Variants in FAT3 observed in about 807,000 individuals in gnomAD.
FAT3 encodes the protein protocadherin Fat 3.
In FAT3, 95 loss-of-function variants were observed where a neutral mutation model predicts 310.2. The observed-to-expected ratio is 0.31, with a 90% CI of 0.26 to 0.36. The LOEUF (loss-of-function observed/expected upper bound fraction) is 0.36. Ranked by LOEUF, FAT3 falls within the 10% of genes least tolerant of loss-of-function variation. The pLI, the probability that FAT3 is intolerant of heterozygous loss-of-function variation, is 1.00. For synonymous variants in FAT3, 2,314 were observed against 2,192.9 expected (o/e 1.06, Z -1.54); for missense variants, 5,408 against 5,715.6 (o/e 0.95, Z 1.74).
At chr11:92,562,585 G>A (rs951966697) in intron 3 of FAT3, among the ~76,000 whole-genome samples, 1 of 152,166 alleles carries the variant, frequency 6.6e-6, no homozygotes, top group South Asian at 2.1e-4. Context: ...TGGAGGATAA[G>A]AAGTCCCATG....
At chr11:92,274,690 T>C (rs1266393032) in intron 1 of FAT3, among the ~76,000 whole-genome samples, 3 of 152,154 alleles carry the variant, frequency 2.0e-5, no homozygotes, top group Non-Finnish European at 4.4e-5. Flanking sequence ...TTCTGTGTTT[T>C]CTTTACTAGT....
chr11:92,551,345 C>T (rs1380886834), intron 3 of FAT3, among the ~76,000 whole-genome samples: 3 of 151,394 alleles, frequency 2.0e-5, no homozygotes, highest in Non-Finnish European at 4.4e-5. Context: ...TATGGGGCCT[C>T]ATTCTCCTCT....
At chr11:92,639,269 C>G (rs1291922787) in intron 3 of FAT3, among the ~76,000 whole-genome samples, 2 of 152,124 alleles carry the variant, frequency 1.3e-5, no homozygotes, top group African/African-American at 4.8e-5. Flanking sequence ...GAGCAAACGT[C>G]CCCAGAAACT....
chr11:92,596,263 C>T (rs1236310724), intron 3 of FAT3, among the ~76,000 whole-genome samples: 3 of 152,142 alleles, frequency 2.0e-5, no homozygotes, highest in Admixed American at 2.0e-4. Context: ...CTGAAGAACC[C>T]TGACATCAGC....
chr11:92,312,269 A>ATAGTCACAGAATG (rs1309981626), intron 1 of FAT3, among the ~76,000 whole-genome samples: 2 of 152,170 alleles, frequency 1.3e-5, no homozygotes, highest in African/African-American at 2.4e-5. Flanking sequence ...TTGTTTAGTA[A>ATAGTCACAGAATG]TAGTCACAGA....
At chr11:92,497,127 A>G (rs937195688) in intron 2 of FAT3, among the ~76,000 whole-genome samples, 1 of 151,998 alleles carries the variant, frequency 6.6e-6, no homozygotes, top group African/African-American at 2.4e-5. Context: ...CTCTAGTACT[A>G]GTTTCCATAG....
intron 2 of FAT3, among the ~76,000 whole-genome samples, chr11:92,390,814 A>G (rs1251405165): frequency 1.3e-5 from 2 of 152,118 alleles, no homozygotes; most frequent in African/African-American, 2.4e-5. Flanking sequence ...GGAGCCTGAG[A>G]GGTCTGGGAG....
intron 3 of FAT3, among the ~76,000 whole-genome samples, chr11:92,675,478 G>A (rs1247297304): frequency 6.6e-6 from 1 of 152,188 alleles, no homozygotes; most frequent in Non-Finnish European, 1.5e-5. Context: ...TGTTATAGCT[G>A]AATTAACTGG....
At chr11:92,697,255 G>A (rs930647999) in intron 3 of FAT3, 129 bp from the exon 4 acceptor site, 2 of 665,270 alleles carry the variant, frequency 3.0e-6, no homozygotes, top group African/African-American at 1.8e-5. Context: ...CATTCTGATT[G>A]TCATGGGGGA....
chr11:92,355,932 A>G (rs116268527), intron 2 of FAT3, among the ~76,000 whole-genome samples: 33 of 152,286 alleles, frequency 2.2e-4, no homozygotes, highest in African/African-American at 7.7e-4. Flanking sequence ...CTGTAGCTCC[A>G]TTAATATAAG....
At chr11:92,448,819 C>T (rs897246288) in intron 2 of FAT3, among the ~76,000 whole-genome samples, 2 of 152,106 alleles carry the variant, frequency 1.3e-5, no homozygotes, top group African/African-American at 4.8e-5. Context: ...TCACTAAGCC[C>T]CATTTAGAGC....
chr11:92,690,443 C>A (rs1943767464), intron 3 of FAT3, among the ~76,000 whole-genome samples: 1 of 152,164 alleles, frequency 6.6e-6, no homozygotes, highest in Non-Finnish European at 1.5e-5. Context: ...GCACCATGTG[C>A]TCAATTGAGC....
chr11:92,356,274 A>G (rs1948728928), intron 2 of FAT3, among the ~76,000 whole-genome samples: 1 of 152,106 alleles, frequency 6.6e-6, no homozygotes, highest in South Asian at 2.1e-4. Flanking sequence ...TTTAGATTGT[A>G]GACATCTCAA....
intron 4 of FAT3, among the ~76,000 whole-genome samples, chr11:92,759,716 C>T (rs990307001): frequency 3.9e-5 from 6 of 152,140 alleles, no homozygotes; most frequent in African/African-American, 1.4e-4. Context: ...TGTAGGTAGA[C>T]ACCTCAAGGA....
At chr11:92,779,663 A>C (rs1946688291) in intron 7 of FAT3, among the ~76,000 whole-genome samples, 1 of 152,210 alleles carries the variant, frequency 6.6e-6, no homozygotes, top group Admixed American at 6.5e-5. Flanking sequence ...GAAGATGTTC[A>C]TGTTCTAATC....
Position 92,809,863 on chromosome 11 carries a change from C to A in FAT3, c.9268C>A (p.Leu3090Met), listed in dbSNP as rs781127055. 6.2e-7 allele frequency: 1 copy of A among 1,613,740 alleles called. No individual in the cohort carries two copies. The highest frequency in any genetic ancestry group is 8.5e-7 in the Non-Finnish European group (1 of 1,179,696). ...PESGELKTLA[L>M]LDRERIPVYS... is the part of the protein sequence containing the mutation. ...CACAGGCGAGTTAAAAACCTTGGCTCTGTTGGACCGGGAGAGGATCCCCGT... is the reference window on the plus strand; with the variant it reads ...CACAGGCGAGTTAAAAACCTTGGCTATGTTGGACCGGGAGAGGATCCCCGT... Residue 3090 changes from leucine (L) to methionine (M), a missense_variant, in exon 13 of 28, where the codon CTG (leucine) becomes ATG (methionine). Physicochemically the swap from Leu to Met is conservative, Grantham distance 15. Around this residue, in one of 5 missense-constraint regions of FAT3, gnomAD observed 4,588 missense variants for 4,809.8 expected, o/e 0.95. Transcript: ENST00000525166.
At chr11:92,710,939 A>G (rs1034594468) in intron 4 of FAT3, among the ~76,000 whole-genome samples, 12 of 152,218 alleles carry the variant, frequency 7.9e-5, no homozygotes, top group Non-Finnish European at 1.5e-4. Context: ...CATAGTGCCT[A>G]TGGTAGGATT....
chr11:92,759,855 C>T (rs1946099393), intron 4 of FAT3, among the ~76,000 whole-genome samples: 2 of 152,114 alleles, frequency 1.3e-5, no homozygotes, highest in Non-Finnish European at 2.9e-5. Context: ...GAAGCAGCTC[C>T]AGAACACTGT....
chr11:92,804,219 C>CTG (rs1269922355), intron 10 of FAT3, among the ~76,000 whole-genome samples: 4 of 152,066 alleles, frequency 2.6e-5, no homozygotes, highest in Non-Finnish European at 4.4e-5. Context: ...AGAACAATGC[C>CTG]TGGCCCAGGG....
Sources: allele counts gnomAD v4.1 joint callset (sites outside exome capture counted in the v4.1 genomes callset), GRCh38; gene constraint gnomAD v4.1.1; regional missense constraint gnomAD v4.1.1; transcripts MANE v1.5; gene names NCBI Gene and HGNC (gene_info 2026-07-23, HGNC 2026-07-21).